DMBT1: variants seen among roughly 807,000 people sequenced by gnomAD.
DMBT1 encodes deleted in malignant brain tumors 1.
DMBT1 carries 198 observed loss-of-function variants against 252.9 expected under a neutral mutation model. That is an observed-to-expected ratio of 0.78 (90% CI 0.70 to 0.88). The LOEUF is 0.88. Ranked by LOEUF, DMBT1 falls within the 40% of genes least tolerant of loss-of-function variation. The probability of loss-of-function intolerance (pLI) is 0.00; values close to 1 mark genes in which losing one functional copy is unlikely to be tolerated. For missense variants in DMBT1, 2,432 were observed against 2,404.7 expected (o/e 1.01, Z -0.24); for synonymous variants, 990 against 942.7 (o/e 1.05, Z -0.92).
chr10:122,621,742 C>G (rs1158592135), intron 44 of DMBT1, among the ~76,000 whole-genome samples: 1 of 152,180 alleles, frequency 6.6e-6, no homozygotes, highest in African/African-American at 2.4e-5. Flanking sequence ...GGGATCCTCT[C>G]CTTAGGAGGA....
At chr10:122,569,377 G>A (rs2097639133) in intron 2 of DMBT1, among the ~76,000 whole-genome samples, 1 of 152,202 alleles carries the variant, frequency 6.6e-6, no homozygotes, top group Non-Finnish European at 1.5e-5. Flanking sequence ...ACAAATAAAA[G>A]CTACTTAATA....
At chr10:122,598,050 C>G (rs1210540020) in intron 25 of DMBT1, 38 bp downstream of exon 25, 7 of 1,613,508 alleles carry the variant, frequency 4.3e-6, no homozygotes, top group Non-Finnish European at 5.9e-6. Context: ...GGCTCACTCT[C>G]TACCTCTGGA....
rs775525263 is a variant in DMBT1, at chr10:122,586,190, G to C, written c.1590G>C (p.Val530=). 5.7e-6 allele frequency: 9 copies of C among 1,589,266 alleles called. 2 individuals are homozygous for C. Among genetic ancestry groups the C allele is most frequent in the East Asian group, 2.3e-5 (1 of 42,750 alleles). ...GCTGGGACACCAATGATGCCAATGT[G>C]GTCTGCAGGCAGCTGGGCTGTGGCT... ...DDSWDTNDAN[V]VCRQLGCGWA... Residue 530 remains valine (V), a synonymous_variant, in exon 16 of 56, where the codon GTG becomes GTC. Coordinates refer to ENST00000338354, the MANE Select transcript of DMBT1 (RefSeq NM_001377530.1).
intron 40 of DMBT1, 146 bp downstream of exon 40, chr10:122,617,406 T>A (rs112800121): frequency 9.5e-7 from 1 of 1,053,618 alleles, no homozygotes; most frequent in African/African-American, 1.6e-5. Context: ...TTCTAGGGAG[T>A]CAGCCCTGGG....
intron 20 of DMBT1, 64 bp from the exon 21 acceptor site, chr10:122,593,505 C>G (rs946833614): frequency 1.3e-6 from 2 of 1,518,448 alleles, no homozygotes; most frequent in Admixed American, 3.4e-5. Flanking sequence ...TTTCCCTCCT[C>G]GTTCCAGTTT....
rs769888802 is a variant in DMBT1, at chr10:122,630,410, A to G, written c.5945A>G (p.Asn1982Ser). The G allele has an allele frequency of 2.5e-6, 4 of 1,613,878 alleles. No homozygotes were observed. The highest frequency in any genetic ancestry group is 2.2e-5 in the East Asian group (1 of 44,888). Residue 1982 changes from asparagine to serine, a missense_variant, in exon 48 of 56, where the codon AAC becomes AGC. By Grantham distance (46) the Asn-to-Ser change is conservative. Coordinates refer to ENST00000338354, the MANE Select transcript of DMBT1 (RefSeq NM_001377530.1). ...DTRQIFTSSYNRMTIHFRSDI... is the reference protein window; with the variant it reads ...DTRQIFTSSYSRMTIHFRSDI... ...AGGCAAATATTTACATCTTCTTACA[A>G]CCGAATGACCATTCACTTTCGAAGT...
intron 52 of DMBT1, among the ~76,000 whole-genome samples, chr10:122,634,094 C>T (rs1387630036): frequency 6.6e-6 from 1 of 152,146 alleles, no homozygotes; most frequent in East Asian, 1.9e-4. Context: ...ACTATGATAG[C>T]GCCAGTGCAC....
rs2098109942 is a variant in DMBT1, at chr10:122,625,280, C to A, written c.5612C>A (p.Thr1871Asn). The A allele has an allele frequency of 6.2e-6, 10 of 1,611,272 alleles. No individual in the cohort carries two copies. Among genetic ancestry groups the A allele is most frequent in the Non-Finnish European group, 8.5e-6 (10 of 1,178,770 alleles). The change falls in exon 45 of 56, where the codon ACC becomes AAC. Residue 1871 changes from threonine (T) to asparagine (N), a missense_variant. Physicochemically the swap from Thr to Asn is moderately conservative, Grantham distance 65 (BLOSUM62 0). This residue lies in a region of DMBT1 where 1,162 missense variants were observed against 1,169.0 expected (regional missense o/e 0.99). Coordinates refer to ENST00000338354, the MANE Select transcript of DMBT1 (RefSeq NM_001377530.1). ...TGTTTTCTTCTTTTCCTTGCAGCCA[C>A]CCAAATAAATTCTACTACGACAGGT... Reference protein sequence around the residue: ...HEDAGVICSATQINSTTTDWW... With the variant: ...HEDAGVICSANQINSTTTDWW...
chr10:122,601,039 A>T lies in DMBT1; in HGVS notation c.3343+16A>T, dbSNP rs1591428926. Reference sequence around the variant, plus strand: ...TCAACAGCAGGTAAATAATCCTCTCACCCCTCCCTAGGGCTCACTGTCTCT... The same window carrying T: ...TCAACAGCAGGTAAATAATCCTCTCTCCCCTCCCTAGGGCTCACTGTCTCT... On this transcript the variant is annotated intron_variant, in intron 28 of 55. Transcript: ENST00000338354. 3.5e-6 allele frequency: 3 copies of T among 868,038 alleles called. No homozygotes were observed. The highest frequency in any genetic ancestry group is 2.2e-5 in the African/African-American group (1 of 45,052). 53.8% of individuals were successfully genotyped at this position (868,038 alleles called of 1,614,324 possible).
intron 1 of DMBT1, among the ~76,000 whole-genome samples, chr10:122,564,280 C>G (rs1427429259): frequency 6.6e-6 from 1 of 152,206 alleles, no homozygotes; most frequent in African/African-American, 2.4e-5. Flanking sequence ...TGAACTGTGA[C>G]TGTCACTGCT....
intron 54 of DMBT1, among the ~76,000 whole-genome samples, chr10:122,637,958 G>A (rs372533288): frequency 1.9e-4 from 29 of 152,282 alleles, no homozygotes; most frequent in Middle Eastern, 3.4e-3. Context: ...GAAGGTGGCT[G>A]CAACTATGAT....
At chr10:122,579,501 A>G (rs983236550) in intron 9 of DMBT1, 77 bp from the exon 10 acceptor site, 3 of 1,604,722 alleles carry the variant, frequency 1.9e-6, no homozygotes, top group African/African-American at 2.7e-5. Context: ...ATTAGGAAGT[A>G]CCCTGAGTGT....
At chr10:122,637,590 C>T (rs1004148919) in intron 54 of DMBT1, among the ~76,000 whole-genome samples, 2 of 152,336 alleles carry the variant, frequency 1.3e-5, no homozygotes, top group Middle Eastern at 3.4e-3. Flanking sequence ...ACAACAGCAG[C>T]TCCTGGAGCA....
Position 122,618,294 on chromosome 10 carries a change from C to G in DMBT1, c.5169C>G (p.Leu1723=), listed in dbSNP as rs767106112. Residue 1723 remains leucine, a synonymous_variant, in exon 41 of 56, where the codon CTC becomes CTG. Transcript: ENST00000338354. ...GGAGCTGCCCCCACAATGGCTGGCT[C>G]TCCCACAACTGTGGCCATCATGAAG... The part of the protein sequence containing the change: ...YLWSCPHNGW[L]SHNCGHHEDA... 11 of 1,613,856 alleles carry G rather than the reference C, an allele frequency of 6.8e-6. No individual in the cohort carries two copies. The highest frequency in any genetic ancestry group is 2.2e-5 in the South Asian group (2 of 91,076).
In DMBT1 at chr10:122,572,375, T is replaced by A; in HGVS notation, c.235+14T>A. The stretch of plus-strand genomic sequence containing the variant: ...CCGTAGCAGAAGGTAACGTCTACTA[T>A]GGGGGAGCTCTATGGGCTCATTACC... On this transcript the variant is annotated intron_variant, in intron 5 of 55. Transcript: ENST00000338354. The A allele has an allele frequency of 1.9e-6, 3 of 1,612,570 alleles. No homozygotes were observed. The African/African-American group carries it at 4.0e-5, about 21-fold the overall frequency.
rs1377232987 is a variant in DMBT1 at position 122,577,893 on chromosome 10, C to A, written c.637+53C>A. On this transcript the variant is annotated intron_variant, in intron 8 of 55. Coordinates refer to ENST00000338354, the MANE Select transcript of DMBT1 (RefSeq NM_001377530.1). ...TACCCCTTCTCTTTCTGCTCAGTTA[C>A]CCCTTCCCTACTCCACAGAGCCCTC... 1.9e-6 allele frequency: 3 copies of A among 1,592,050 alleles called. No individual in the cohort carries two copies. The African/African-American group carries it at 4.0e-5, about 21-fold the overall frequency.
chr10:122,584,831 A>G lies in DMBT1; in HGVS notation c.1421-440A>G, dbSNP rs371628735. On this transcript the variant is annotated intron_variant, in intron 14 of 55. Transcript: ENST00000338354. ...ATTCTGCAGCGCTACATGTGCATCC[A>G]GAAGAGGCATAGGCCATGCTCGGGC... 4.5e-4 allele frequency among the ~76,000 whole-genome samples: 67 copies of G among 149,392 alleles called. 1 individual carries two copies. Among genetic ancestry groups the G allele is most frequent in the African/African-American group, 1.5e-3 (64 of 41,332 alleles).
chr10:122,600,504 C>T (rs147171490), intron 27 of DMBT1, among the ~76,000 whole-genome samples: 2 of 152,342 alleles, frequency 1.3e-5, no homozygotes, highest in South Asian at 2.1e-4. Context: ...CTGCTGGAAA[C>T]ATTCCGAGAT....
intron 46 of DMBT1, among the ~76,000 whole-genome samples, 162 bp from the exon 47 acceptor site, chr10:122,629,678 C>T (rs2098143754): frequency 6.6e-6 from 1 of 152,160 alleles, no homozygotes; most frequent in South Asian, 2.1e-4. Context: ...AATGTTGGGC[C>T]ACCTAGAACC....
Sources: allele counts gnomAD v4.1 joint callset (sites outside exome capture counted in the v4.1 genomes callset), GRCh38; gene constraint gnomAD v4.1.1; regional missense constraint gnomAD v4.1.1; transcripts MANE v1.5; gene names NCBI Gene and HGNC (gene_info 2026-07-23, HGNC 2026-07-21).